Variants in ETNK2 observed in about 807,000 individuals in gnomAD.
ETNK2 encodes ethanolamine kinase 2, also known as ethanolamine kinase-like protein.
In ETNK2, 33 loss-of-function variants were observed where a neutral mutation model predicts 46.2. The ratio of observed to expected loss-of-function variants is 0.71; its 90% CI spans 0.54 to 0.96. The LOEUF is 0.96. Ranked by LOEUF, ETNK2 falls within the 40% of genes least tolerant of loss-of-function variation. The pLI is 0.00. For missense variants in ETNK2, 445 were observed against 509.7 expected, an observed-to-expected ratio of 0.87 and a Z score of 1.22; for synonymous variants, 194 against 209.0, an observed-to-expected ratio of 0.93 and a Z score of 0.62.
chr1:204,140,486 TTCTC>T (rs891762688), intron 4 of ETNK2, among the ~76,000 whole-genome samples: 20 of 152,128 alleles, frequency 1.3e-4, no homozygotes, highest in Non-Finnish European at 2.4e-4. Flanking sequence ...GATGTGTTCG[TTCTC>T]TCTCTTTCTT....
Position 204,134,643 on chromosome 1 carries a change from C to T in ETNK2, c.1015-55G>A, listed in dbSNP as rs761828449. On this transcript the variant is annotated intron_variant, in intron 6 of 7. Transcript: ENST00000367202. The stretch of plus-strand genomic sequence containing the variant: ...GCAATCTCCCCATGCCTGTTTCCGA[C>T]TCTACAGCACTGGAGGGATGCAGTC... 2.5e-6 allele frequency: 4 copies of T among 1,614,032 alleles called. No individual in the cohort carries two copies. In the South Asian group the frequency reaches 3.3e-5, roughly 13 times the overall value.
At chr1:204,132,715 G>A (rs906941191) in intron 7 of ETNK2, among the ~76,000 whole-genome samples, 2 of 151,838 alleles carry the variant, frequency 1.3e-5, no homozygotes, top group Non-Finnish European at 2.9e-5. Flanking sequence ...TTACAGGCAT[G>A]AGCCACCGTG....
At chr1:204,135,926 G>A (rs898443552) in intron 6 of ETNK2, among the ~76,000 whole-genome samples, 4 of 152,166 alleles carry the variant, frequency 2.6e-5, no homozygotes, top group Admixed American at 1.3e-4. Flanking sequence ...CATGAACCAG[G>A]TATCTTGGAT....
At chr1:204,137,346 A>G in intron 5 of ETNK2, 97 bp from the exon 6 acceptor site, 1 of 1,410,334 alleles carries the variant, frequency 7.1e-7, no homozygotes. Flanking sequence ...TCAAACTCCC[A>G]TCTCCTTTGA....
chr1:204,151,633 G>A lies in ETNK2; in HGVS notation c.220C>T (p.Leu74=), dbSNP rs1420855139. The change falls in exon 1 of 8, where the codon CTG becomes TTG. Residue 74 remains leucine, a synonymous_variant. Coordinates refer to ENST00000367202, the MANE Select transcript of ETNK2 (RefSeq NM_018208.4). This position sits in a 1 kb window ranked among gnomAD's most constrained non-coding sequence, Gnocchi z 8.0. The part of the protein sequence containing the change: ...LPGALRLIQE[L]RPHWKPEQVR... ...TGCTCGGGTTTCCAATGCGGCCGCA[G>A]CTCCTGGATGAGGCGCAGGGCCCCG... 1.3e-6 allele frequency: 2 copies of A among 1,549,466 alleles called. No homozygotes were observed. Among genetic ancestry groups the A allele is most frequent in the East Asian group, 2.5e-5 (1 of 40,774 alleles).
intron 5 of ETNK2, among the ~76,000 whole-genome samples, chr1:204,139,201 C>T (rs1267318465): frequency 1.3e-5 from 2 of 152,218 alleles, no homozygotes; most frequent in Non-Finnish European, 2.9e-5. Flanking sequence ...AGATGACTCT[C>T]ATCAGGCCAC....
At chr1:204,134,650 G>A (rs1256852024) in intron 6 of ETNK2, 62 bp from the exon 7 acceptor site, 1 of 1,613,978 alleles carries the variant, frequency 6.2e-7, no homozygotes, top group African/African-American at 1.3e-5. Flanking sequence ...CGACTCTACA[G>A]CACTGGAGGG....
intron 4 of ETNK2, among the ~76,000 whole-genome samples, chr1:204,140,553 C>T (rs1163766625): frequency 2.7e-5 from 4 of 150,794 alleles, no homozygotes; most frequent in African/African-American, 9.8e-5. Flanking sequence ...GAGACAGAGT[C>T]TCGCTCTGTC....
chr1:204,135,395 AC>A (rs1657243510), intron 6 of ETNK2, among the ~76,000 whole-genome samples: 2 of 152,082 alleles, frequency 1.3e-5, no homozygotes, highest in South Asian at 4.1e-4. Context: ...TATATAACAA[AC>A]CTGCACGTGT....
Position 204,140,023 on chromosome 1 carries a change from T to C in ETNK2, c.868+12A>G. On this transcript the variant is annotated intron_variant, in intron 5 of 7. Transcript: ENST00000367202. ...GCTACAAAGCACATGACTGTAGAAA[T>C]GCCCCTCTCACCTGCAAACTCATTG... The C allele has an allele frequency of 1.2e-6, 2 of 1,612,026 alleles. No homozygotes were observed. The highest frequency in any genetic ancestry group is 1.7e-6 in the Non-Finnish European group (2 of 1,178,124).
Position 204,151,920 on chromosome 1 carries a change from G to A in ETNK2, c.-68C>T, listed in dbSNP as rs1027112623. On this transcript the variant is annotated 5_prime_UTR_variant, in exon 1 of 8. Coordinates refer to ENST00000367202, the MANE Select transcript of ETNK2 (RefSeq NM_018208.4). This position sits in a 1 kb window ranked among gnomAD's most constrained non-coding sequence, Gnocchi z 8.0. ...CCCGGCGGGGGGGTCCGGCGAGGGA[G>A]TGGGAGTGGTAGAGGAGGGGCCAGG... 4.3e-6 allele frequency: 6 copies of A among 1,393,754 alleles called. No individual in the cohort carries two copies. In the African/African-American group the frequency reaches 9.2e-5, roughly 21 times the overall value. The allele number at this position is 1,393,754 out of a possible 1,614,324, so 86.3% of individuals were successfully genotyped here.
In ETNK2 at chr1:204,136,999, A is replaced by G. The variant is rs1250462942; in HGVS notation, c.1014+105T>C. The G allele has an allele frequency of 6.8e-6, 10 of 1,467,752 alleles. No homozygotes were observed. The East Asian group carries it at 1.6e-4, about 24-fold the overall frequency. 90.9% of individuals were successfully genotyped at this position (1,467,752 alleles called of 1,614,324 possible). ...TCAGGAGCCAGGGATGGGTGTCCCC[A>G]GGCTCTCACCTGACCCTGGGCTCTG... On this transcript the variant is annotated intron_variant, in intron 6 of 7. Transcript: ENST00000367202.
At chr1:204,139,288 A>G (rs1657405916) in intron 5 of ETNK2, among the ~76,000 whole-genome samples, 1 of 152,182 alleles carries the variant, frequency 6.6e-6, no homozygotes, top group South Asian at 2.1e-4. Context: ...CGCCAGTTGT[A>G]CTGGGTATAA....
intron 7 of ETNK2, among the ~76,000 whole-genome samples, chr1:204,132,527 G>A (rs551836994): frequency 6.6e-5 from 10 of 152,038 alleles, no homozygotes; most frequent in Non-Finnish European, 1.3e-4. Context: ...TCTGCCTCCC[G>A]GGCTCTGATG....
In ETNK2 at chr1:204,137,214, G is replaced by A. The variant is rs201980742; in HGVS notation, c.904C>T (p.Arg302Trp). ...NEVDYCLYPA[R>W]ETQLQWLHYY... ...TGCAGCCACTGCAGCTGGGTCTCCC[G>A]CGCCGGGTACAGGCAGTAATCCACC... Residue 302 changes from arginine (R) to tryptophan (W), a missense_variant, in exon 6 of 8, where the codon CGG becomes TGG. Arg to Trp is a moderately radical substitution (Grantham distance 101). Coordinates refer to ENST00000367202, the MANE Select transcript of ETNK2 (RefSeq NM_018208.4). 61 of 1,613,904 alleles carry A rather than the reference G, an allele frequency of 3.8e-5. No individual in the cohort carries two copies. The highest frequency in any genetic ancestry group is 1.8e-4 in the South Asian group (16 of 91,076).
rs1193062609 is a variant in ETNK2, at chr1:204,146,773, G to A, written c.519-9C>T. On this transcript the variant is annotated splice_polypyrimidine_tract_variant and intron_variant, in intron 2 of 7. Transcript: ENST00000367202. The stretch of plus-strand genomic sequence containing the variant: ...TTTCTAAGGCGATTAACCTACAGCA[G>A]GGAACAGGAAGAGTAGAGCATCAGT... 6.2e-7 allele frequency: 1 copy of A among 1,613,838 alleles called. No homozygotes were observed. The highest frequency in any genetic ancestry group is 1.3e-5 in the African/African-American group (1 of 74,936).
At chr1:204,147,048 C>A (rs1657815664) in intron 2 of ETNK2, 30 of 566,378 alleles carry the variant, frequency 5.3e-5, no homozygotes, top group South Asian at 4.1e-4. Flanking sequence ...CTGTTGGTCA[C>A]AGGTCAGTGG....
At chr1:204,134,635 G>A (rs1657211214) in intron 6 of ETNK2, 47 bp from the exon 7 acceptor site, 1 of 1,614,028 alleles carries the variant, frequency 6.2e-7, no homozygotes, top group Non-Finnish European at 8.5e-7. Flanking sequence ...CCCCATGCCT[G>A]TTTCCGACTC....
chr1:204,147,304 T>C (rs984925050), intron 2 of ETNK2, among the ~76,000 whole-genome samples: 1 of 152,164 alleles, frequency 6.6e-6, no homozygotes, highest in Non-Finnish European at 1.5e-5. Context: ...CTTCCTCTGC[T>C]ATAGGGAGTT....
Sources: allele counts gnomAD v4.1 joint callset (sites outside exome capture counted in the v4.1 genomes callset), GRCh38; gene constraint gnomAD v4.1.1; non-coding constraint Gnocchi (gnomAD v3.1); transcripts MANE v1.5; gene names NCBI Gene and HGNC (gene_info 2026-07-23, HGNC 2026-07-21).